DCTN4: variants seen among roughly 807,000 people sequenced by gnomAD.
DCTN4 encodes dynactin subunit 4, also known as dynactin 4 (p62).
Under a neutral mutation model 62.7 loss-of-function variants are expected in DCTN4, and 23 were observed. That is an observed-to-expected ratio of 0.37 (90% confidence interval 0.26 to 0.52). The LOEUF (loss-of-function observed/expected upper bound fraction) is 0.52. Ranked by LOEUF, DCTN4 falls within the 20% of genes least tolerant of loss-of-function variation. The pLI is 0.92. For synonymous variants in DCTN4, 199 were observed against 202.1 expected (o/e 0.98, Z 0.13); for missense variants, 514 against 580.4 (o/e 0.89, Z 1.18).
intron 4 of DCTN4, among the ~76,000 whole-genome samples, chr5:150,736,831 T>C (rs569561652): frequency 2.0e-5 from 3 of 152,284 alleles, no homozygotes; most frequent in Admixed American, 2.0e-4. Context: ...ACAGAATGGA[T>C]AACAATTTAC....
At chr5:150,738,436 A>G (rs1760657220) in intron 4 of DCTN4, among the ~76,000 whole-genome samples, 1 of 152,202 alleles carries the variant, frequency 6.6e-6, no homozygotes, top group Non-Finnish European at 1.5e-5. Flanking sequence ...TGGGTTTAAT[A>G]CCAGGGATGC....
At chr5:150,741,961 T>C (rs1760785012) in intron 4 of DCTN4, among the ~76,000 whole-genome samples, 153 bp downstream of exon 4, 1 of 152,232 alleles carries the variant, frequency 6.6e-6, no homozygotes, top group Admixed American at 6.5e-5. Flanking sequence ...ACAGTGTATT[T>C]CAATGTCTTA....
In DCTN4 at chr5:150,710,188, A is replaced by C. The variant is rs1759507603; in HGVS notation, c.*961T>G. ...TCAATGGAAAGAATGCTAGTTGAGA[A>C]TATTCTAAAAATCTAGCCTTTAAAA... On this transcript the variant is annotated 3_prime_UTR_variant, in exon 13 of 13. Transcript: ENST00000447998. 6.6e-6 allele frequency: 1 copy of C among 152,396 alleles called. No individual in the cohort carries two copies. Among genetic ancestry groups the C allele is most frequent in the Non-Finnish European group, 1.5e-5 (1 of 68,038 alleles). 9.4% of individuals were successfully genotyped at this position (152,396 alleles called of 1,614,324 possible). A position where few individuals can be genotyped will look rare whatever the true frequency, so the allele number is the denominator to read the frequency against.
chr5:150,757,919 A>T, intron 1 of DCTN4: 1 of 228,372 alleles, frequency 4.4e-6, no homozygotes, highest in Non-Finnish European at 7.2e-6. Flanking sequence ...TGTGTGACTT[A>T]CAGCGAACAC....
At chr5:150,746,859 A>T (rs1292929922) in intron 3 of DCTN4, among the ~76,000 whole-genome samples, 9 of 152,080 alleles carry the variant, frequency 5.9e-5, no homozygotes, top group East Asian at 1.9e-4. Flanking sequence ...ACTGGAAGCA[A>T]TCCCTTTGAA....
chr5:150,735,695 T>C (rs1361677366), intron 4 of DCTN4, among the ~76,000 whole-genome samples: 1 of 152,140 alleles, frequency 6.6e-6, no homozygotes, highest in Admixed American at 6.5e-5. Flanking sequence ...TGACATAGTC[T>C]ACCCAAATGA....
At chr5:150,732,569 A>C (rs1321065367) in intron 5 of DCTN4, among the ~76,000 whole-genome samples, 2 of 152,158 alleles carry the variant, frequency 1.3e-5, no homozygotes, top group Non-Finnish European at 2.9e-5. Context: ...TCAAGCGTAA[A>C]ATGGGGATAT....
chr5:150,730,930 T>C (rs964913778), intron 7 of DCTN4, 114 bp downstream of exon 7: 64 of 783,480 alleles, frequency 8.2e-5, no homozygotes, highest in Non-Finnish European at 1.3e-4. Flanking sequence ...TTCTACATAT[T>C]GTTTTTACTA....
chr5:150,747,812 T>C (rs1362618883), intron 3 of DCTN4, among the ~76,000 whole-genome samples: 11 of 148,252 alleles, frequency 7.4e-5, no homozygotes, highest in East Asian at 5.9e-4. Context: ...AAGACTTAAA[T>C]GTTAGACCTA....
chr5:150,758,437 G>A lies in DCTN4; in HGVS notation c.135+422C>T, dbSNP rs530662099. On this transcript the variant is annotated intron_variant, in intron 1 of 12. Transcript: ENST00000447998. The stretch of plus-strand genomic sequence containing the variant: ...AGGGCCCAGTTTCTGGACAAAAGAG[G>A]AACAGAACTTTCAGGATGGGAGAAC... 178 of 991,750 alleles carry A rather than the reference G, an allele frequency of 1.8e-4. 1 individual carries two copies. The highest frequency in any genetic ancestry group is 2.1e-4 in the Non-Finnish European group (172 of 832,898). 61.4% of individuals were successfully genotyped at this position (991,750 alleles called of 1,614,324 possible).
chr5:150,711,996 A>G (rs1181743209), intron 12 of DCTN4, among the ~76,000 whole-genome samples: 1 of 152,218 alleles, frequency 6.6e-6, no homozygotes, highest in Non-Finnish European at 1.5e-5. Context: ...TGTGTTTACC[A>G]TAATTGGCAT....
intron 8 of DCTN4, among the ~76,000 whole-genome samples, chr5:150,723,783 TA>T (rs1322917118): frequency 6.6e-6 from 1 of 152,238 alleles, no homozygotes; most frequent in Non-Finnish European, 1.5e-5. Context: ...CACATAAAAG[TA>T]CAAGCATACA....
Position 150,756,542 on chromosome 5 carries a change from T to C in DCTN4, c.136-55A>G, listed in dbSNP as rs1388483819. The C allele has an allele frequency of 2.0e-5, 23 of 1,132,394 alleles. 1 individual carries two copies. Among genetic ancestry groups the C allele is most frequent in the South Asian group, 2.9e-5 (2 of 69,762 alleles). 70.1% of individuals were successfully genotyped at this position (1,132,394 alleles called of 1,614,324 possible). A position where few individuals can be genotyped will look rare whatever the true frequency, so the allele number is the denominator to read the frequency against. ...CCAGAGGAGAACTCAGTTTAACTTGTGTATATGTCTTGTCAAATAGTGAAT... is the reference window on the plus strand; with the variant it reads ...CCAGAGGAGAACTCAGTTTAACTTGCGTATATGTCTTGTCAAATAGTGAAT... On this transcript the variant is annotated intron_variant, in intron 1 of 12. Coordinates refer to ENST00000447998, the MANE Select transcript of DCTN4 (RefSeq NM_016221.4).
intron 5 of DCTN4, among the ~76,000 whole-genome samples, chr5:150,732,335 G>C (rs1045852869): frequency 1.6e-4 from 25 of 152,304 alleles, no homozygotes; most frequent in Admixed American, 1.4e-3. Context: ...ATTTTTAGTA[G>C]AGACAGGGTT....
At chr5:150,736,165 T>C (rs945240412) in intron 4 of DCTN4, 1 of 152,164 alleles carries the variant, frequency 6.6e-6, no homozygotes, top group Admixed American at 6.5e-5. Flanking sequence ...AAGAGAAATC[T>C]AAAGGTTTGG....
intron 8 of DCTN4, among the ~76,000 whole-genome samples, chr5:150,728,939 G>A (rs1241841876): frequency 6.8e-6 from 1 of 146,126 alleles, no homozygotes; most frequent in African/African-American, 2.5e-5. Context: ...GTGCAGTGGT[G>A]TGATTACTGC....
intron 5 of DCTN4, chr5:150,731,815 G>A (rs1176874258): frequency 1.6e-5 from 22 of 1,393,682 alleles, no homozygotes; most frequent in East Asian, 2.5e-5. Context: ...CACAACAGAC[G>A]TCTTCCTGGA....
chr5:150,730,689 GCA>G lies in DCTN4; in HGVS notation c.774_775del (p.Ala259PhefsTer20). The G allele has an allele frequency of 6.2e-7, 1 of 1,614,118 alleles. No individual in the cohort carries two copies. The highest frequency in any genetic ancestry group is 8.5e-7 in the Non-Finnish European group (1 of 1,179,990). ...TTTGTGGCGAGGATAGAGCTGTGAA[GCA>G]CAGACTGGCTGGAAGTCAGGCTGTA... On this transcript the variant is annotated frameshift_variant, in exon 8 of 13. Coordinates refer to ENST00000447998, the MANE Select transcript of DCTN4 (RefSeq NM_016221.4). LOFTEE classifies it high-confidence loss of function.
At chr5:150,730,228 T>C (rs749004128) in intron 8 of DCTN4, among the ~76,000 whole-genome samples, 4 of 152,236 alleles carry the variant, frequency 2.6e-5, no homozygotes, top group Non-Finnish European at 5.9e-5. Flanking sequence ...TTGAAGAAAC[T>C]CTGTCATTTG....
Sources: allele counts gnomAD v4.1 joint callset (sites outside exome capture counted in the v4.1 genomes callset), GRCh38; gene constraint gnomAD v4.1.1; transcripts MANE v1.5; gene names NCBI Gene and HGNC (gene_info 2026-07-23, HGNC 2026-07-21).